Variants in ABLIM1 observed in about 807,000 individuals in gnomAD.
The protein encoded by ABLIM1 is actin-binding LIM protein 1.
In ABLIM1, 40 loss-of-function variants were observed where a neutral mutation model predicts 107.0. The ratio of observed to expected loss-of-function variants is 0.37; its 90% CI spans 0.29 to 0.49. The LOEUF is 0.49. Ranked by LOEUF, ABLIM1 falls within the 20% of genes least tolerant of loss-of-function variation. ABLIM1 has a pLI of 0.97. For synonymous variants in ABLIM1, 357 were observed against 357.3 expected (o/e 1.00, Z 0.01); for missense variants, 857 against 1,008.5 (o/e 0.85, Z 2.04).
chr10:114,531,695 T>G (rs2065465508), intron 6 of ABLIM1, among the ~76,000 whole-genome samples: 1 of 152,192 alleles, frequency 6.6e-6, no homozygotes, highest in Non-Finnish European at 1.5e-5. Flanking sequence ...TTTTTGTATT[T>G]TTAGTAGAGA....
At chr10:114,497,128 T>C (rs2059766197) in intron 6 of ABLIM1, among the ~76,000 whole-genome samples, 1 of 152,252 alleles carries the variant, frequency 6.6e-6, no homozygotes, top group Non-Finnish European at 1.5e-5. Context: ...ATAGCGCTCA[T>C]ATAAGAAACA....
chr10:114,528,438 C>T (rs1285576421), intron 6 of ABLIM1, among the ~76,000 whole-genome samples: 2 of 152,170 alleles, frequency 1.3e-5, no homozygotes, highest in Non-Finnish European at 2.9e-5. Context: ...AAGGTTTTAG[C>T]AACAAAGCCG....
intron 1 of ABLIM1, among the ~76,000 whole-genome samples, chr10:114,733,044 A>G (rs542447929): frequency 1.3e-5 from 2 of 152,328 alleles, no homozygotes; most frequent in South Asian, 4.1e-4. Context: ...TATGAATCCT[A>G]AAAGTGGCTC....
At chr10:114,780,151 T>G in the ABLIM1 span, among the ~76,000 whole-genome samples, 1 of 152,166 alleles carries the variant, frequency 6.6e-6, no homozygotes, top group Non-Finnish European at 1.5e-5. Context: ...TTCTCTCTTC[T>G]CCACCTCATC....
chr10:114,542,225 AGAGT>A (rs2066752454), intron 6 of ABLIM1, among the ~76,000 whole-genome samples: 1 of 152,008 alleles, frequency 6.6e-6, no homozygotes, highest in African/African-American at 2.4e-5. Flanking sequence ...CCTGGACAAT[AGAGT>A]GAGACTCCCG....
chr10:114,590,154 G>A (rs1295672614), intron 2 of ABLIM1, among the ~76,000 whole-genome samples: 5 of 152,106 alleles, frequency 3.3e-5, no homozygotes, highest in Non-Finnish European at 5.9e-5. Flanking sequence ...AGGAGTAATA[G>A]GCTACACCAT....
intron 1 of ABLIM1, among the ~76,000 whole-genome samples, chr10:114,621,661 T>C (rs1246485409): frequency 6.6e-6 from 1 of 152,200 alleles, no homozygotes; most frequent in Non-Finnish European, 1.5e-5. Flanking sequence ...AGAAGATTGT[T>C]CACCCCCATT....
intron 1 of ABLIM1, among the ~76,000 whole-genome samples, chr10:114,673,271 CA>C (rs1182119576): frequency 4.7e-5 from 6 of 127,982 alleles, no homozygotes; most frequent in Non-Finnish European, 6.8e-5. Flanking sequence ...AAAAAAAAAA[CA>C]AAAAAAAAAC....
At chr10:114,783,444 A>G in the ABLIM1 span, among the ~76,000 whole-genome samples, 1 of 152,142 alleles carries the variant, frequency 6.6e-6, no homozygotes. Flanking sequence ...TTTGAATCTT[A>G]GAGAGGTCTG....
chr10:114,791,467 T>C, the ABLIM1 span, among the ~76,000 whole-genome samples: 2 of 151,740 alleles, frequency 1.3e-5, no homozygotes, highest in Middle Eastern at 3.2e-3. Flanking sequence ...TGAAACCCCG[T>C]CTCTACTAAA....
chr10:114,679,999 A>G (rs2080675648), intron 1 of ABLIM1, among the ~76,000 whole-genome samples: 1 of 152,218 alleles, frequency 6.6e-6, no homozygotes, highest in African/African-American at 2.4e-5. Flanking sequence ...TTACAATGAA[A>G]GCCTATTCTT....
intron 1 of ABLIM1, among the ~76,000 whole-genome samples, chr10:114,644,306 A>AAATATAT (rs1408072252): frequency 0.014 from 739 of 52,110 alleles, 33 homozygotes; most frequent in Middle Eastern, 0.028. Flanking sequence ...AAAAAAAAAA[A>AAATATAT]ATATATATAT....
chr10:114,687,348 T>C (rs576504667), upstream of ABLIM1, among the ~76,000 whole-genome samples: 1 of 152,324 alleles, frequency 6.6e-6, no homozygotes, highest in African/African-American at 2.4e-5. Flanking sequence ...GAAAGGGTTT[T>C]AGAGATAATT....
At chr10:114,656,350 C>T (rs1426049695) in intron 1 of ABLIM1, among the ~76,000 whole-genome samples, 1 of 150,386 alleles carries the variant, frequency 6.6e-6, no homozygotes, top group East Asian at 2.0e-4. Flanking sequence ...TAATATGCTG[C>T]TGGTGGGAAT....
chr10:114,645,123 C>CT (rs1341599281), intron 1 of ABLIM1, among the ~76,000 whole-genome samples: 11 of 152,180 alleles, frequency 7.2e-5, no homozygotes, highest in Non-Finnish European at 1.5e-4. Flanking sequence ...GCAATGGAAT[C>CT]TGTCAGCGCC....
chr10:114,799,877 G>C, the ABLIM1 span, among the ~76,000 whole-genome samples: 1 of 152,152 alleles, frequency 6.6e-6, no homozygotes, highest in Non-Finnish European at 1.5e-5. Context: ...CCAGGCTCAA[G>C]TGATTCTCCA....
At chr10:114,637,035 TAAAA>T (rs3061732) in intron 1 of ABLIM1, among the ~76,000 whole-genome samples, 1 of 104,020 alleles carries the variant, frequency 9.6e-6, no homozygotes, top group Non-Finnish European at 1.9e-5. Context: ...GCTGTCTCTT[TAAAA>T]AAAAAAAAAA....
chr10:114,712,035 G>A (rs2141957817), intron 1 of ABLIM1, among the ~76,000 whole-genome samples: 1 of 152,206 alleles, frequency 6.6e-6, no homozygotes, highest in Middle Eastern at 3.4e-3. Flanking sequence ...TCTCCAGGGT[G>A]ACAGGGAAAA....
chr10:114,673,050 G>A (rs1301545228), intron 1 of ABLIM1, among the ~76,000 whole-genome samples: 1 of 152,018 alleles, frequency 6.6e-6, no homozygotes, highest in Non-Finnish European at 1.5e-5. Flanking sequence ...CTGAGGTCAG[G>A]AGTTCCAGAC....
Sources: allele counts gnomAD v4.1 joint callset (sites outside exome capture counted in the v4.1 genomes callset), GRCh38; gene constraint gnomAD v4.1.1; transcripts MANE v1.5; gene names NCBI Gene and HGNC (gene_info 2026-07-23, HGNC 2026-07-21).